GABRA3: variants seen among roughly 807,000 people sequenced by gnomAD.
GABRA3 encodes the protein gamma-aminobutyric acid type A receptor subunit alpha3, also known as gamma-aminobutyric acid receptor subunit alpha-3.
A neutral mutation model predicts 30.1 loss-of-function variants in GABRA3; 10 were observed. The observed-to-expected ratio is 0.33, with a 90% CI of 0.20 to 0.56. GABRA3 has a LOEUF of 0.56. Ranked by LOEUF, GABRA3 falls within the 20% of genes least tolerant of loss-of-function variation. The pLI, the probability that GABRA3 is intolerant of heterozygous loss-of-function variation, is 0.89. For synonymous variants in GABRA3, 151 were observed against 146.8 expected, an observed-to-expected ratio of 1.03 and a Z score of -0.21; for missense variants, 233 against 392.0, an observed-to-expected ratio of 0.59 and a Z score of 3.42.
chrX:152,404,732 T>TTTTTTA (rs1234436050), intron 1 of GABRA3, among the ~76,000 whole-genome samples: 3 of 65,901 alleles, frequency 4.6e-5, no homozygotes, highest in Admixed American at 1.6e-4. Flanking sequence ...CAGGAAGTCA[T>TTTTTTA]TTATTATTAT....
At chrX:152,243,227 T>C (rs72614784) in intron 5 of GABRA3, among the ~76,000 whole-genome samples, 4,547 of 111,512 alleles carry the variant, frequency 0.041, 270 homozygotes, top group East Asian at 0.33. Context: ...TCAAAGAATA[T>C]AAAATTTCAG....
Position 152,208,062 on chromosome X carries a change from G to T in GABRA3, c.717C>A (p.Arg239=), listed in dbSNP as rs200560398. ...GGCCCAAAAGGTCATACTGGTTCAA[G>T]CGAGAACCATCCTGTGCCACTTCCA... ...KSVEVAQDGS[R]LNQYDLLGHV... Residue 239 remains arginine, a synonymous_variant, in exon 7 of 10, where the codon CGC becomes CGA. Transcript: ENST00000370314. The T allele has an allele frequency of 4.3e-5, 52 of 1,209,836 alleles. No homozygotes were observed. Among genetic ancestry groups the T allele is most frequent in the Non-Finnish European group, 4.8e-5 (43 of 894,945 alleles).
In GABRA3 at chrX:152,200,507, A is replaced by G. The variant is rs1257614099; in HGVS notation, c.779-2722T>C. ...TCTTTCTCTCTGCTTCTTTTTTTCA[A>G]TTCTTTTCTTTCTTTGTTTTATCTT... On this transcript the variant is annotated intron_variant, in intron 7 of 9. Transcript: ENST00000370314. Among the ~76,000 whole-genome samples, 3 of 110,500 alleles carry G rather than the reference A, an allele frequency of 2.7e-5. No individual in the cohort carries two copies. The East Asian group carries it at 8.6e-4, about 32-fold the overall frequency.
chrX:152,430,782 A>C (rs996573286), intron 1 of GABRA3, among the ~76,000 whole-genome samples: 6 of 111,764 alleles, frequency 5.4e-5, no homozygotes, highest in Non-Finnish European at 7.5e-5. Context: ...AGTTGAAGAT[A>C]TCTTCCAAAA....
rs182703426 is a variant in GABRA3, at chrX:152,326,561, A to C, written c.262+19020T>G. Among the ~76,000 whole-genome samples, 82 of 111,950 alleles carry C rather than the reference A, an allele frequency of 7.3e-4. 1 individual carries two copies. Among genetic ancestry groups the C allele is most frequent in the Non-Finnish European group, 6.0e-4 (32 of 53,245 alleles). On this transcript the variant is annotated intron_variant, in intron 3 of 9. Coordinates refer to ENST00000370314, the MANE Select transcript of GABRA3 (RefSeq NM_000808.4). ...TGGGGGCCGATATTCAACATTCTTA[A>C]AGAAAAGAATTTTCAACCCAGAATT...
intron 7 of GABRA3, among the ~76,000 whole-genome samples, chrX:152,202,219 T>G (rs907016909): frequency 2.7e-5 from 3 of 112,087 alleles, no homozygotes; most frequent in African/African-American, 9.7e-5. Flanking sequence ...CCACGGATTG[T>G]GGGTCCTTTC....
intron 6 of GABRA3, among the ~76,000 whole-genome samples, chrX:152,216,071 A>G (rs1389486394): frequency 9.0e-6 from 1 of 110,736 alleles, no homozygotes; most frequent in Non-Finnish European, 1.9e-5. Flanking sequence ...CTATTATCAA[A>G]AAGACAAAAG....
At chrX:152,282,543 G>T (rs1320247622) in intron 4 of GABRA3, among the ~76,000 whole-genome samples, 1 of 112,255 alleles carries the variant, frequency 8.9e-6, no homozygotes, top group African/African-American at 3.2e-5. Flanking sequence ...ACCAAAGTCT[G>T]CCCTCTCTAT....
intron 5 of GABRA3, among the ~76,000 whole-genome samples, chrX:152,233,661 A>G (rs779611328): frequency 0.023 from 2,422 of 107,373 alleles, 45 homozygotes; most frequent in Middle Eastern, 0.068. Context: ...ATCTAGAACT[A>G]GAAATACCAT....
At chrX:152,170,917 G>A (rs893764203) in intron 9 of GABRA3, among the ~76,000 whole-genome samples, 2 of 111,750 alleles carry the variant, frequency 1.8e-5, no homozygotes, top group Non-Finnish European at 3.8e-5. Context: ...ACAAGTGGAA[G>A]GGGGACAGAA....
intron 5 of GABRA3, among the ~76,000 whole-genome samples, chrX:152,231,642 A>T (rs1603218336): frequency 9.0e-6 from 1 of 111,318 alleles, no homozygotes; most frequent in East Asian, 2.8e-4. Flanking sequence ...CTGTGGTTTT[A>T]CTCTAATTCT....
intron 9 of GABRA3, 22 bp from the exon 10 acceptor site, chrX:152,168,585 G>C (rs750406413): frequency 2.2e-5 from 25 of 1,117,643 alleles, no homozygotes; most frequent in Non-Finnish European, 2.8e-5. Flanking sequence ...GAAAAAGAGG[G>C]GGGGAAAGGG....
At chrX:152,295,901 T>C (rs1939520849) in intron 3 of GABRA3, among the ~76,000 whole-genome samples, 1 of 112,275 alleles carries the variant, frequency 8.9e-6, no homozygotes, top group Admixed American at 9.4e-5. Context: ...TTTTTTCCTC[T>C]GGCTCAGGTC....
intron 1 of GABRA3, among the ~76,000 whole-genome samples, chrX:152,377,856 G>A (rs1439590368): frequency 9.0e-6 from 1 of 111,459 alleles, no homozygotes; most frequent in African/African-American, 3.3e-5. Flanking sequence ...TGATGAATCA[G>A]AAGCATGCCT....
intron 3 of GABRA3, among the ~76,000 whole-genome samples, chrX:152,294,635 C>T (rs191374618): frequency 3.2e-4 from 36 of 111,485 alleles, no homozygotes; most frequent in African/African-American, 9.8e-4. Context: ...TCTGTCAACT[C>T]GTCAAAGTCA....
chrX:152,230,862 G>A (rs181305044), intron 5 of GABRA3, among the ~76,000 whole-genome samples: 35 of 110,265 alleles, frequency 3.2e-4, no homozygotes, highest in African/African-American at 1.1e-3. Context: ...GAGAACATAG[G>A]AGAAAATCTT....
At position 152,366,419 on chromosome X, in the gene GABRA3, G is replaced by T. The variant is rs749459431; in HGVS notation, c.-26-1823C>A. On this transcript the variant is annotated intron_variant, in intron 1 of 9. Transcript: ENST00000370314. ...GGATGTAGGAGAAGATGGCCATGCT[G>T]TGTAAACAAAGAGATCCATAGTGTG... Among the ~76,000 whole-genome samples, 6 of 111,811 alleles carry T rather than the reference G, an allele frequency of 5.4e-5. No homozygotes were observed. In the Admixed American group the frequency reaches 5.7e-4, roughly 11 times the overall value.
intron 2 of GABRA3, among the ~76,000 whole-genome samples, chrX:152,351,713 A>G (rs1390220553): frequency 8.9e-6 from 1 of 112,003 alleles, no homozygotes; most frequent in Admixed American, 9.6e-5. Flanking sequence ...TGCTTGCCAC[A>G]AGAGGCCTAG....
chrX:152,450,626 T>C (rs1027520558), intron 1 of GABRA3, among the ~76,000 whole-genome samples: 7 of 110,409 alleles, frequency 6.3e-5, no homozygotes, highest in African/African-American at 2.0e-4. Flanking sequence ...AATGGGGAGA[T>C]GGGGAAAGAG....
Sources: gnomAD v4.1 joint callset for allele counts (sites outside exome capture counted in the v4.1 genomes callset) on GRCh38, gnomAD v4.1.1 for gene constraint, MANE v1.5 for transcripts, NCBI Gene and HGNC (gene_info 2026-07-23, HGNC 2026-07-21) for gene names.